The following EXD3 variants were observed in gnomAD, a reference collection of about 807,000 sequenced individuals.
EXD3 encodes exonuclease 3'-5' domain containing 3.
Under a neutral mutation model 98.0 loss-of-function variants are expected in EXD3, and 92 were observed. The observed-to-expected ratio is 0.94, with a 90% CI of 0.79 to 1.12. EXD3 has a LOEUF of 1.12. EXD3 is among the 50% of genes most tolerant of loss of function. EXD3 has a pLI of 0.00. For missense variants in EXD3, 1,222 were observed against 1,191.6 expected, an observed-to-expected ratio of 1.03 and a Z score of -0.38; for synonymous variants, 569 against 526.0, an observed-to-expected ratio of 1.08 and a Z score of -1.12.
At chr9:137,321,433 A>T (rs1832026275) in intron 19 of EXD3, among the ~76,000 whole-genome samples, 1 of 152,228 alleles carries the variant, frequency 6.6e-6, no homozygotes, top group Admixed American at 6.5e-5. Context: ...CTGTCATCCC[A>T]GCACTTTGGG....
At chr9:137,341,128 C>T (rs1833635894) in intron 17 of EXD3, among the ~76,000 whole-genome samples, 1 of 152,198 alleles carries the variant, frequency 6.6e-6, no homozygotes, top group African/African-American at 2.4e-5. Flanking sequence ...CCAGCCTGGA[C>T]AACATAGCGA....
At chr9:137,334,062 C>A (rs552511094) in intron 17 of EXD3, among the ~76,000 whole-genome samples, 2 of 151,736 alleles carry the variant, frequency 1.3e-5, no homozygotes, top group Non-Finnish European at 2.9e-5. Flanking sequence ...AGTGCAGTGG[C>A]GTGATCTCGG....
At chr9:137,381,704 A>G (rs1836280326) in intron 3 of EXD3, among the ~76,000 whole-genome samples, 1 of 152,264 alleles carries the variant, frequency 6.6e-6, no homozygotes, top group South Asian at 2.1e-4. Flanking sequence ...GGAGTTCTCC[A>G]AAATCCTGGT....
intron 17 of EXD3, among the ~76,000 whole-genome samples, chr9:137,327,441 G>C (rs571661721): frequency 2.0e-5 from 3 of 152,260 alleles, no homozygotes; most frequent in South Asian, 2.1e-4. Context: ...CCAGTATGGA[G>C]TCTTTGGGAT....
intron 1 of EXD3, among the ~76,000 whole-genome samples, chr9:137,409,943 G>A (rs1837915124): frequency 6.6e-6 from 1 of 152,206 alleles, no homozygotes; most frequent in South Asian, 2.1e-4. Context: ...TTAGGAGGCT[G>A]AGGCGGACGG....
intron 17 of EXD3, among the ~76,000 whole-genome samples, chr9:137,331,022 C>T (rs1017676061): frequency 2.0e-5 from 3 of 152,242 alleles, no homozygotes; most frequent in East Asian, 3.9e-4. Context: ...ACCCTGCAAA[C>T]GGAATCCAAC....
intron 1 of EXD3, among the ~76,000 whole-genome samples, chr9:137,396,224 T>C (rs1238068439): frequency 6.6e-6 from 1 of 152,160 alleles, no homozygotes; most frequent in Non-Finnish European, 1.5e-5. Flanking sequence ...CGCCTCAGCC[T>C]CCCAAAGTGC....
intron 10 of EXD3, 107 bp downstream of exon 10, chr9:137,354,232 G>A (rs951853228): frequency 6.6e-7 from 1 of 1,515,932 alleles, no homozygotes; most frequent in Non-Finnish European, 8.9e-7. Context: ...AGCAGCCCCA[G>A]CGAAGGCCTC....
intron 5 of EXD3, among the ~76,000 whole-genome samples, chr9:137,369,913 G>A (rs1425623757): frequency 6.6e-6 from 1 of 152,220 alleles, no homozygotes; most frequent in African/African-American, 2.4e-5. Context: ...CTGGGCACCC[G>A]GGGCCTCTTG....
At chr9:137,372,413 G>A (rs367668365) in intron 5 of EXD3, among the ~76,000 whole-genome samples, 4 of 152,198 alleles carry the variant, frequency 2.6e-5, no homozygotes, top group East Asian at 1.9e-4. Context: ...TCTTCTGCTC[G>A]GCCCCTCTGG....
intron 1 of EXD3, among the ~76,000 whole-genome samples, chr9:137,410,755 G>A (rs1187551385): frequency 6.6e-6 from 1 of 152,166 alleles, no homozygotes; most frequent in African/African-American, 2.4e-5. Context: ...CACGGGGGAC[G>A]TGCCTGACTC....
At position 137,330,348 on chromosome 9, in the gene EXD3, A is replaced by G. The variant is rs372151908; in HGVS notation, c.1999-6205T>C. On this transcript the variant is annotated intron_variant, in intron 17 of 21. Transcript: ENST00000340951. The stretch of plus-strand genomic sequence containing the variant: ...TACACGGGACTACACAGGACTACAC[A>G]GGACTACACAGGAGCTACACAGGAG... Among the ~76,000 whole-genome samples the G allele has an allele frequency of 1.8e-4, 24 of 135,836 alleles. 1 individual carries two copies. The highest frequency in any genetic ancestry group is 8.3e-4 in the East Asian group (3 of 3,612). The allele number at this position is 135,836 out of a possible 152,430, so 89.1% of individuals were successfully genotyped here.
chr9:137,412,638 G>C (rs755967404), intron 1 of EXD3, among the ~76,000 whole-genome samples: 3 of 152,148 alleles, frequency 2.0e-5, no homozygotes, highest in African/African-American at 7.2e-5. Flanking sequence ...AGCAGGATGA[G>C]CTGATGCTGG....
intron 8 of EXD3, 87 bp downstream of exon 8, chr9:137,356,178 AACG>A: frequency 4.0e-6 from 4 of 988,274 alleles, no homozygotes; most frequent in East Asian, 2.6e-5. Flanking sequence ...GCACCTGAAC[AACG>A]GGCAGCCCCA....
At chr9:137,336,309 C>T (rs141515002) in intron 17 of EXD3, among the ~76,000 whole-genome samples, 7 of 152,230 alleles carry the variant, frequency 4.6e-5, no homozygotes, top group African/African-American at 7.2e-5. Context: ...AAACATAAAT[C>T]GATGTAAGAT....
chr9:137,369,283 C>T (rs936729125), intron 5 of EXD3, among the ~76,000 whole-genome samples: 1 of 152,086 alleles, frequency 6.6e-6, no homozygotes, highest in Non-Finnish European at 1.5e-5. Context: ...ATGGGGACCA[C>T]CCCAGCAGTG....
chr9:137,342,867 A>G (rs771801063), intron 17 of EXD3, among the ~76,000 whole-genome samples: 6 of 152,224 alleles, frequency 3.9e-5, no homozygotes, highest in Non-Finnish European at 8.8e-5. Context: ...CATGCCTGTA[A>G]TCCCAGCACT....
At chr9:137,308,564 G>T (rs566733244) in intron 20 of EXD3, among the ~76,000 whole-genome samples, 40 of 152,082 alleles carry the variant, frequency 2.6e-4, no homozygotes, top group African/African-American at 8.7e-4. Flanking sequence ...CTCGCTCTCC[G>T]GGGTGTGCTC....
chr9:137,408,569 G>T (rs1408638596), intron 1 of EXD3, among the ~76,000 whole-genome samples: 1 of 75,034 alleles, frequency 1.3e-5, no homozygotes. Context: ...AAAAAAAGAG[G>T]GCTCTGGGGG....
Sources: gnomAD v4.1 joint callset for allele counts (sites outside exome capture counted in the v4.1 genomes callset) on GRCh38, gnomAD v4.1.1 for gene constraint, MANE v1.5 for transcripts, NCBI Gene and HGNC (gene_info 2026-07-23, HGNC 2026-07-21) for gene names.